Variants in THADA observed in about 807,000 individuals in gnomAD.
THADA encodes tRNA (32-2'-O)-methyltransferase regulator THADA.
A neutral mutation model predicts 219.8 loss-of-function variants in THADA; 213 were observed. The ratio of observed to expected loss-of-function variants is 0.97; its 90% CI spans 0.87 to 1.09. The LOEUF is 1.09. THADA is among the 50% of genes least tolerant of loss of function. THADA has a pLI of 0.00. For synonymous variants in THADA, 1,018 were observed against 828.9 expected (o/e 1.23, Z -3.92); for missense variants, 2,956 against 2,311.3 (o/e 1.28, Z -5.72).
chr2:43,310,212 T>A (rs1051774175), intron 31 of THADA, among the ~76,000 whole-genome samples: 2 of 19,248 alleles, frequency 1.0e-4, no homozygotes, highest in South Asian at 3.1e-3. Flanking sequence ...CCTCCCTCCC[T>A]CCCTCCCTTT....
chr2:43,332,813 C>T (rs1665943263), intron 30 of THADA, among the ~76,000 whole-genome samples: 1 of 152,168 alleles, frequency 6.6e-6, no homozygotes, highest in Non-Finnish European at 1.5e-5. Flanking sequence ...GAACTAACTG[C>T]CATCTCCAGG....
intron 26 of THADA, among the ~76,000 whole-genome samples, chr2:43,444,245 C>G (rs1681229049): frequency 1.3e-5 from 2 of 152,306 alleles, no homozygotes; most frequent in South Asian, 4.1e-4. Context: ...ACTAGCATAT[C>G]AAGAATGGTT....
At chr2:43,480,832 A>C (rs976829350) in intron 26 of THADA, among the ~76,000 whole-genome samples, 2 of 151,938 alleles carry the variant, frequency 1.3e-5, no homozygotes, top group South Asian at 4.1e-4. Context: ...GGGAAAAAAA[A>C]AAAAAAGAAA....
chr2:43,528,075 T>A (rs1261086007), intron 21 of THADA, 87 bp from the exon 22 acceptor site: 2 of 853,060 alleles, frequency 2.3e-6, no homozygotes, highest in East Asian at 5.1e-5. Flanking sequence ...AGAACCCAGG[T>A]CTAGGGGTCC....
intron 36 of THADA, among the ~76,000 whole-genome samples, chr2:43,269,076 A>C (rs1671844989): frequency 6.6e-6 from 1 of 152,212 alleles, no homozygotes; most frequent in Non-Finnish European, 1.5e-5. Flanking sequence ...GAGGAAAGCG[A>C]AAGTTCCTGA....
chr2:43,426,842 G>C (rs1173787356), intron 28 of THADA, among the ~76,000 whole-genome samples: 1 of 152,196 alleles, frequency 6.6e-6, no homozygotes, highest in Non-Finnish European at 1.5e-5. Context: ...ACACAAAAAT[G>C]AAGGTACTGT....
chr2:43,386,289 T>C (rs756321212), intron 29 of THADA, among the ~76,000 whole-genome samples: 7 of 152,044 alleles, frequency 4.6e-5, no homozygotes, highest in African/African-American at 7.2e-5. Flanking sequence ...CTATTGACAG[T>C]AACAAGAGAA....
intron 22 of THADA, among the ~76,000 whole-genome samples, chr2:43,520,702 G>GTATATATA (rs377737093): frequency 1.3e-3 from 180 of 136,578 alleles, no homozygotes; most frequent in South Asian, 2.8e-3. Flanking sequence ...ATATTTATAC[G>GTATATATA]TATATATATA....
intron 1 of THADA, among the ~76,000 whole-genome samples, chr2:43,594,584 CAAATAAATAAAT>C (rs34191249): frequency 3.4e-4 from 50 of 149,012 alleles, no homozygotes; most frequent in Middle Eastern, 3.4e-3. Flanking sequence ...AACTCCATCT[CAAATAAATAAAT>C]AAATAAATAA....
chr2:43,580,638 G>A (rs1700331818), intron 8 of THADA, among the ~76,000 whole-genome samples: 1 of 151,758 alleles, frequency 6.6e-6, no homozygotes, highest in Non-Finnish European at 1.5e-5. Flanking sequence ...ACTTTGGGAG[G>A]CCAAGGCGGG....
At chr2:43,515,283 TTATATATAA>T (rs1691495660) in intron 22 of THADA, among the ~76,000 whole-genome samples, 1 of 60,128 alleles carries the variant, frequency 1.7e-5, no homozygotes, top group Non-Finnish European at 2.9e-5. Flanking sequence ...ATATAATATA[TTATATATAA>T]TATATAATAT....
intron 29 of THADA, among the ~76,000 whole-genome samples, chr2:43,366,106 C>T (rs1188935154): frequency 6.6e-6 from 1 of 152,212 alleles, no homozygotes; most frequent in Admixed American, 6.5e-5. Flanking sequence ...CACCATTTCA[C>T]TGTTCACTGC....
chr2:43,239,080 CAT>C (rs1301089242), intron 36 of THADA, among the ~76,000 whole-genome samples: 26 of 152,324 alleles, frequency 1.7e-4, no homozygotes, highest in Admixed American at 1.1e-3. Flanking sequence ...GTGGGATTAA[CAT>C]GTGGTCATTT....
intron 31 of THADA, among the ~76,000 whole-genome samples, chr2:43,297,040 G>C (rs2104388283): frequency 9.3e-6 from 1 of 107,140 alleles, no homozygotes; most frequent in Admixed American, 9.2e-5. Context: ...TGGCTGCCCA[G>C]TCTGGAAAGT....
chr2:43,240,813 C>T (rs143916660), intron 36 of THADA, among the ~76,000 whole-genome samples: 9 of 152,350 alleles, frequency 5.9e-5, no homozygotes, highest in Non-Finnish European at 1.2e-4. Context: ...TTGTGGTTAA[C>T]AGTCTCTGTC....
intron 30 of THADA, among the ~76,000 whole-genome samples, chr2:43,330,137 C>A (rs142379361): frequency 1.3e-3 from 205 of 152,332 alleles, no homozygotes; most frequent in Middle Eastern, 3.4e-3. Context: ...AATGGCACTG[C>A]ACTGTGTTTT....
intron 36 of THADA, among the ~76,000 whole-genome samples, chr2:43,275,388 G>A (rs1489292660): frequency 6.6e-6 from 1 of 152,146 alleles, no homozygotes; most frequent in Non-Finnish European, 1.5e-5. Context: ...GGCTGAAGCC[G>A]AAAGAGCAAG....
chr2:43,278,700 T>G (rs1210300895), intron 36 of THADA, among the ~76,000 whole-genome samples: 2 of 152,118 alleles, frequency 1.3e-5, no homozygotes, highest in African/African-American at 4.8e-5. Flanking sequence ...GGCAGAGAAG[T>G]GTACACAGAC....
chr2:43,391,680 C>T (rs11899863), intron 29 of THADA: 12,496 of 152,022 alleles, frequency 0.082, 558 homozygotes, highest in Non-Finnish European at 0.097. Context: ...TTCTTTGGCA[C>T]TCTGGGATAA....
Sources: allele counts gnomAD v4.1 joint callset (sites outside exome capture counted in the v4.1 genomes callset), GRCh38; gene constraint gnomAD v4.1.1; transcripts MANE v1.5; gene names NCBI Gene and HGNC (gene_info 2026-07-23, HGNC 2026-07-21).